Variants in DLG2 observed in about 807,000 individuals in gnomAD.
DLG2 encodes the protein disks large homolog 2.
Under a neutral mutation model 132.5 loss-of-function variants are expected in DLG2, and 45 were observed. The observed-to-expected ratio is 0.34, with a 90% confidence interval of 0.27 to 0.44. The LOEUF is 0.44. DLG2 is among the 20% of genes least tolerant of loss of function. The probability of loss-of-function intolerance (pLI) is 1.00; values close to 1 mark genes in which losing one functional copy is unlikely to be tolerated. For synonymous variants in DLG2, 424 were observed against 419.6 expected, an observed-to-expected ratio of 1.01 and a Z score of -0.13; for missense variants, 1,045 against 1,196.9, an observed-to-expected ratio of 0.87 and a Z score of 1.87.
chr11:85,435,838 G>T (rs571783336), intron 3 of DLG2, among the ~76,000 whole-genome samples: 47 of 152,134 alleles, frequency 3.1e-4, no homozygotes, highest in African/African-American at 1.1e-3. Context: ...AACCAAAAAA[G>T]AGCCCTCATG....
At chr11:84,146,960 C>G (rs539222453) in intron 9 of DLG2, among the ~76,000 whole-genome samples, 3 of 152,124 alleles carry the variant, frequency 2.0e-5, no homozygotes, top group African/African-American at 7.2e-5. Context: ...CTTCATATGG[C>G]AAAAAGACCA....
intron 18 of DLG2, among the ~76,000 whole-genome samples, chr11:83,722,566 G>T (rs1428205424): frequency 6.6e-6 from 1 of 152,090 alleles, no homozygotes; most frequent in Non-Finnish European, 1.5e-5. Flanking sequence ...GGCGGGGTGG[G>T]GAGTGACTCC....
At chr11:83,478,844 G>C (rs933380031) in intron 22 of DLG2, among the ~76,000 whole-genome samples, 4 of 151,842 alleles carry the variant, frequency 2.6e-5, no homozygotes, top group African/African-American at 7.3e-5. Flanking sequence ...ATTTTTCTAC[G>C]TACTAAATTG....
chr11:84,240,189 C>A (rs781419063), intron 8 of DLG2, among the ~76,000 whole-genome samples: 2 of 152,262 alleles, frequency 1.3e-5, no homozygotes, highest in South Asian at 4.2e-4. Context: ...GCCTCTTGGA[C>A]TACATGTGCA....
chr11:84,256,828 G>A (rs1330689757), intron 7 of DLG2, among the ~76,000 whole-genome samples: 1 of 152,150 alleles, frequency 6.6e-6, no homozygotes, highest in Non-Finnish European at 1.5e-5. Context: ...GTGTGCATGT[G>A]TATGTGTGTG....
chr11:85,397,015 G>A (rs1394924180), intron 3 of DLG2, among the ~76,000 whole-genome samples: 1 of 152,084 alleles, frequency 6.6e-6, no homozygotes, highest in Admixed American at 6.6e-5. Context: ...AAAATATTAA[G>A]GGCATCCAAA....
intron 3 of DLG2, among the ~76,000 whole-genome samples, chr11:85,443,953 T>A (rs2091898249): frequency 6.6e-6 from 1 of 152,220 alleles, no homozygotes; most frequent in South Asian, 2.1e-4. Flanking sequence ...TTCCAGCTCT[T>A]TATATTCTTC....
intron 6 of DLG2, among the ~76,000 whole-genome samples, chr11:84,571,129 C>T (rs2099482432): frequency 1.3e-5 from 2 of 151,934 alleles, no homozygotes; most frequent in South Asian, 4.1e-4. Context: ...AAGGAGGTAC[C>T]CTGTTTTTTC....
intron 3 of DLG2, among the ~76,000 whole-genome samples, chr11:85,504,106 A>T (rs557155538): frequency 2.0e-5 from 3 of 151,968 alleles, no homozygotes; most frequent in African/African-American, 7.3e-5. Flanking sequence ...TAGATTCTGG[A>T]TATTAGCTCT....
chr11:85,404,687 G>A (rs2088544769), intron 3 of DLG2, among the ~76,000 whole-genome samples: 1 of 151,946 alleles, frequency 6.6e-6, no homozygotes. Flanking sequence ...AACAGTATCA[G>A]CACTGTCAAA....
chr11:84,873,020 C>T (rs922584080), intron 6 of DLG2, among the ~76,000 whole-genome samples: 3 of 152,144 alleles, frequency 2.0e-5, no homozygotes, highest in Non-Finnish European at 4.4e-5. Flanking sequence ...ACATGGTAGA[C>T]AGAATAATAG....
intron 6 of DLG2, among the ~76,000 whole-genome samples, chr11:84,782,130 C>G (rs2071914142): frequency 6.6e-6 from 1 of 152,078 alleles, no homozygotes; most frequent in Non-Finnish European, 1.5e-5. Flanking sequence ...GGGTAACAGA[C>G]ACACACATGT....
intron 6 of DLG2, among the ~76,000 whole-genome samples, chr11:84,731,254 G>T (rs2063117710): frequency 6.6e-6 from 1 of 151,906 alleles, no homozygotes; most frequent in African/African-American, 2.4e-5. Flanking sequence ...TCCCCCTTTT[G>T]GTTACTAATT....
At chr11:85,621,301 C>T (rs996480418) in intron 2 of DLG2, among the ~76,000 whole-genome samples, 1 of 152,016 alleles carries the variant, frequency 6.6e-6, no homozygotes, top group Non-Finnish European at 1.5e-5. Flanking sequence ...TGAACATATA[C>T]AAGGAGATTA....
At chr11:84,761,671 C>CTTAACACCAGTGGTTT (rs2067647344) in intron 6 of DLG2, among the ~76,000 whole-genome samples, 1 of 152,288 alleles carries the variant, frequency 6.6e-6, no homozygotes, top group Non-Finnish European at 1.5e-5. Context: ...GACTCTTGAA[C>CTTAACACCAGTGGTTT]TTAACACCAG....
chr11:84,773,433 T>A (rs2069778381), intron 6 of DLG2, among the ~76,000 whole-genome samples: 2 of 152,152 alleles, frequency 1.3e-5, no homozygotes, highest in Non-Finnish European at 2.9e-5. Flanking sequence ...GAGGCCAGCA[T>A]CATCCTGCTA....
intron 8 of DLG2, among the ~76,000 whole-genome samples, chr11:84,225,931 C>G (rs1050112681): frequency 5.6e-4 from 85 of 152,070 alleles, no homozygotes; most frequent in African/African-American, 2.0e-3. Flanking sequence ...CTGCCTCAGC[C>G]TAACAAGTAG....
intron 3 of DLG2, among the ~76,000 whole-genome samples, chr11:85,515,728 G>A (rs2094157070): frequency 6.6e-6 from 1 of 151,920 alleles, no homozygotes. Context: ...TGATAACATA[G>A]CTATCCTGTT....
chr11:84,904,487 A>G (rs1235460125), intron 6 of DLG2, among the ~76,000 whole-genome samples: 2 of 152,180 alleles, frequency 1.3e-5, no homozygotes, highest in Non-Finnish European at 2.9e-5. Context: ...ATCAGACTAT[A>G]CTGTTTCCTA....
Sources: gnomAD v4.1 joint callset for allele counts (sites outside exome capture counted in the v4.1 genomes callset) on GRCh38, gnomAD v4.1.1 for gene constraint, MANE v1.5 for transcripts, NCBI Gene and HGNC (gene_info 2026-07-23, HGNC 2026-07-21) for gene names.